STMN2: variants seen among roughly 807,000 people sequenced by gnomAD.
STMN2 encodes stathmin-2.
A neutral mutation model predicts 24.1 loss-of-function variants in STMN2; 2 were observed. That is an observed-to-expected ratio of 0.08 (90% confidence interval 0.03 to 0.26). The LOEUF (loss-of-function observed/expected upper bound fraction) is 0.26, where lower values mean the gene tolerates loss of function less well. Ranked by LOEUF, STMN2 falls within the 10% of genes least tolerant of loss-of-function variation. STMN2 has a pLI of 1.00. For missense variants in STMN2, 114 were observed against 213.6 expected (o/e 0.53, Z 2.91); for synonymous variants, 83 against 77.5 (o/e 1.07, Z -0.37).
At chr8:79,648,845 G>A (rs910036482) in intron 3 of STMN2, among the ~76,000 whole-genome samples, 2 of 152,004 alleles carry the variant, frequency 1.3e-5, no homozygotes, top group African/African-American at 4.8e-5. Context: ...TATATAAATA[G>A]GTCAGGCCAA....
chr8:79,638,407 G>A (rs933911005), intron 2 of STMN2, among the ~76,000 whole-genome samples: 21 of 152,074 alleles, frequency 1.4e-4, no homozygotes, highest in Non-Finnish European at 2.9e-4. Flanking sequence ...TTTTCCATAG[G>A]CTTCCATAAT....
chr8:79,612,189 G>A (rs889771421), intron 1 of STMN2, among the ~76,000 whole-genome samples: 1 of 150,076 alleles, frequency 6.7e-6, no homozygotes, highest in African/African-American at 2.5e-5. Flanking sequence ...CCCCGCTCCC[G>A]ACTCCCCGCC....
intron 3 of STMN2, among the ~76,000 whole-genome samples, chr8:79,642,871 G>T (rs10808837): frequency 0.77 from 114,871 of 148,852 alleles, 45,564 homozygotes; most frequent in East Asian, 0.97. Context: ...CGATGAGCAT[G>T]TCATATATAT....
At chr8:79,616,069 CAG>C (rs1361428542) in intron 1 of STMN2, among the ~76,000 whole-genome samples, 5 of 152,232 alleles carry the variant, frequency 3.3e-5, no homozygotes, top group African/African-American at 1.2e-4. Context: ...ATCTGAATAT[CAG>C]AGTCTCCACC....
intron 3 of STMN2, among the ~76,000 whole-genome samples, chr8:79,654,494 A>G (rs1810403351): frequency 6.6e-6 from 1 of 152,232 alleles, no homozygotes; most frequent in Non-Finnish European, 1.5e-5. Flanking sequence ...AACTTGTCTC[A>G]GTCCTCAACT....
chr8:79,663,583 G>A, intron 4 of STMN2: 1 of 1,524,326 alleles, frequency 6.6e-7, no homozygotes, highest in Non-Finnish European at 8.8e-7. Flanking sequence ...TTTATAGCTG[G>A]TCAAGTTTAT....
At chr8:79,639,174 C>T (rs1469444825) in intron 2 of STMN2, among the ~76,000 whole-genome samples, 2 of 152,180 alleles carry the variant, frequency 1.3e-5, no homozygotes, top group Admixed American at 1.3e-4. Flanking sequence ...ACATAACCTG[C>T]TGGCTTGGTT....
intron 1 of STMN2, among the ~76,000 whole-genome samples, chr8:79,630,815 C>G (rs932171483): frequency 7.2e-5 from 11 of 152,116 alleles, no homozygotes; most frequent in African/African-American, 2.7e-4. Context: ...CCATTTTTTA[C>G]CCTGGCTTTG....
intron 3 of STMN2, among the ~76,000 whole-genome samples, chr8:79,652,996 C>T (rs1425823562): frequency 6.6e-6 from 1 of 152,028 alleles, no homozygotes; most frequent in Non-Finnish European, 1.5e-5. Context: ...GGAGTTTGAA[C>T]TCAATTTATG....
At chr8:79,643,736 T>C (rs1585898869) in intron 3 of STMN2, among the ~76,000 whole-genome samples, 2 of 152,138 alleles carry the variant, frequency 1.3e-5, no homozygotes, top group East Asian at 3.9e-4. Flanking sequence ...AAATTATCAA[T>C]GATTATACAT....
intron 1 of STMN2, among the ~76,000 whole-genome samples, chr8:79,625,723 C>T (rs190607056): frequency 6.6e-6 from 1 of 151,992 alleles, no homozygotes; most frequent in Non-Finnish European, 1.5e-5. Context: ...TTTGGGAGGC[C>T]GAGGTGGGTG....
chr8:79,641,555 C>T lies in STMN2; in HGVS notation c.288+5C>T. 6.3e-7 allele frequency: 1 copy of T among 1,592,470 alleles called. No individual in the cohort carries two copies. Among genetic ancestry groups the T allele is most frequent in the Non-Finnish European group, 8.6e-7 (1 of 1,167,340 alleles). On this transcript the variant is annotated splice_donor_5th_base_variant and intron_variant, in intron 3 of 4. Coordinates refer to ENST00000220876, the MANE Select transcript of STMN2 (RefSeq NM_007029.4). ...GCTGCAGAGGAAAGAAGAAAGGTAA[C>T]TTTTTCCATAGGTTTTCCTTCTCTC...
intron 1 of STMN2, among the ~76,000 whole-genome samples, chr8:79,619,565 A>G (rs1373305571): frequency 6.6e-6 from 1 of 152,180 alleles, no homozygotes; most frequent in Non-Finnish European, 1.5e-5. Flanking sequence ...TCAAGATGGT[A>G]CTGTTATCAT....
chr8:79,619,560 A>T (rs562827635), intron 1 of STMN2, among the ~76,000 whole-genome samples: 103 of 152,258 alleles, frequency 6.8e-4, no homozygotes, highest in African/African-American at 2.3e-3. Context: ...TCCCATCAAG[A>T]TGGTACTGTT....
chr8:79,627,127 T>C (rs1284923418), intron 1 of STMN2, among the ~76,000 whole-genome samples: 1 of 152,198 alleles, frequency 6.6e-6, no homozygotes, highest in Non-Finnish European at 1.5e-5. Context: ...TTTTTGAAGA[T>C]ATGAGCAATG....
intron 2 of STMN2, among the ~76,000 whole-genome samples, chr8:79,639,058 T>C (rs1810033935): frequency 6.6e-6 from 1 of 152,220 alleles, no homozygotes; most frequent in African/African-American, 2.4e-5. Context: ...ATCTAGACTA[T>C]CTATTAGCAG....
At chr8:79,664,690 T>TC (rs1554547299) in intron 4 of STMN2, 125 bp from the exon 5 acceptor site, 7 of 770,214 alleles carry the variant, frequency 9.1e-6, no homozygotes, top group Non-Finnish European at 1.4e-5. Flanking sequence ...CATATTTTCC[T>TC]TCTGAAATGG....
intron 2 of STMN2, among the ~76,000 whole-genome samples, chr8:79,640,280 CT>C (rs931306032): frequency 1.3e-5 from 2 of 152,198 alleles, no homozygotes; most frequent in African/African-American, 2.4e-5. Context: ...GTCTCCACCC[CT>C]AACCCCTGGT....
chr8:79,634,878 G>A (rs1276956369), intron 1 of STMN2, among the ~76,000 whole-genome samples: 1 of 152,030 alleles, frequency 6.6e-6, no homozygotes, highest in East Asian at 1.9e-4. Context: ...ACTCTCCCTT[G>A]GGTTATATTA....
Sources: gnomAD v4.1 joint callset for allele counts (sites outside exome capture counted in the v4.1 genomes callset) on GRCh38, gnomAD v4.1.1 for gene constraint, MANE v1.5 for transcripts, NCBI Gene and HGNC (gene_info 2026-07-23, HGNC 2026-07-21) for gene names.